The following MEGF6 variants were observed in gnomAD, a reference collection of about 807,000 sequenced individuals.
The protein encoded by MEGF6 is multiple epidermal growth factor-like domains protein 6.
MEGF6 carries 184 observed loss-of-function variants against 207.1 expected under a neutral mutation model. The ratio of observed to expected loss-of-function variants is 0.89; its 90% CI spans 0.79 to 1.00. The LOEUF (loss-of-function observed/expected upper bound fraction) is 1.00, where lower values mean the gene tolerates loss of function less well. Ranked by LOEUF, MEGF6 falls within the 50% of genes least tolerant of loss-of-function variation. The probability of loss-of-function intolerance (pLI) is 0.00; values close to 1 mark genes in which losing one functional copy is unlikely to be tolerated. For missense variants in MEGF6, 2,282 were observed against 2,202.9 expected (o/e 1.04, Z -0.72); for synonymous variants, 1,038 against 910.0 (o/e 1.14, Z -2.53).
chr1:3,578,892 C>CTGGTCCCCAG (rs1416158802), intron 4 of MEGF6, among the ~76,000 whole-genome samples: 2 of 150,804 alleles, frequency 1.3e-5, no homozygotes, highest in East Asian at 1.9e-4. Flanking sequence ...CCTCCTCAGC[C>CTGGTCCCCAG]CGGCCCCCAG....
rs114348293 is a variant in MEGF6 at position 3,575,964 on chromosome 1, G to A, written c.481+3861C>T. ...CCGGGCCTCACCTACGTGGACTCAC[G>A]CAACCTGCACAAAACATCGCCAAAT... is the stretch of plus-strand genomic sequence containing the variant. On this transcript the variant is annotated intron_variant, in intron 4 of 36. Transcript: ENST00000356575. 5.5e-3 allele frequency among the ~76,000 whole-genome samples: 824 copies of A among 150,976 alleles called. 5 individuals carry two copies. The highest frequency in any genetic ancestry group is 8.3e-3 in the Non-Finnish European group (559 of 67,604).
chr1:3,498,714 G>A lies in MEGF6; in HGVS notation c.3207C>T (p.Gly1069=). Residue 1069 remains glycine, a synonymous_variant, in exon 25 of 37, where the codon GGC becomes GGT. Coordinates refer to ENST00000356575, the MANE Select transcript of MEGF6 (RefSeq NM_001409.4). ...AGCGCTCACCCTTCTCACAGGCCAG[G>A]CCGGCCCAGCCCTCTGGGCACGCAC... ...GHCACPEGWA[G]LACEKECLPR... is the part of the protein sequence containing the mutation. 6.4e-7 allele frequency: 1 copy of A among 1,568,180 alleles called. No individual in the cohort carries two copies. The highest frequency in any genetic ancestry group is 1.2e-5 in the South Asian group (1 of 86,092).
rs967522877 is a variant in MEGF6 at position 3,499,183 on chromosome 1, GC to G, written c.3048del (p.Gln1017SerfsTer257). On this transcript the variant is annotated frameshift_variant, in exon 24 of 37. Coordinates refer to ENST00000356575, the MANE Select transcript of MEGF6 (RefSeq NM_001409.4). LOFTEE classifies it high-confidence loss of function. Reference sequence around the variant, plus strand: ...ATCCAGCCAGGGGCACAGTGGCACTGCCCGTGGACAGGGTCACAGGAGGCCC... The same window carrying G: ...ATCCAGCCAGGGGCACAGTGGCACTGCCGTGGACAGGGTCACAGGAGGCCC... Reference protein sequence around the residue: ...FNGASCDPVHGQCHCAPGWMG... With the variant: ...FNGASCDPVHXQCHCAPGWMG... 6.2e-7 allele frequency: 1 copy of G among 1,604,026 alleles called. No individual in the cohort carries two copies. Among genetic ancestry groups the G allele is most frequent in the Admixed American group, 1.7e-5 (1 of 58,840 alleles).
chr1:3,564,226 G>A lies in MEGF6; in HGVS notation c.481+15599C>T, dbSNP rs74048624. ...CGGGGGTGCAGAAGGGCTGAGTCGG[G>A]GTGGGGGAGCTGAGTCAGGGGTGCA... On this transcript the variant is annotated intron_variant, in intron 4 of 36. Coordinates refer to ENST00000356575, the MANE Select transcript of MEGF6 (RefSeq NM_001409.4). 1.0e-2 allele frequency among the ~76,000 whole-genome samples: 1,501 copies of A among 150,804 alleles called. 41 individuals are homozygous for A. The highest frequency in any genetic ancestry group is 0.036 in the African/African-American group (1,445 of 40,478).
At chr1:3,549,041 G>A (rs999457716) in intron 4 of MEGF6, among the ~76,000 whole-genome samples, 1 of 152,090 alleles carries the variant, frequency 6.6e-6, no homozygotes, top group Non-Finnish European at 1.5e-5. Flanking sequence ...CTGGGACCCC[G>A]CCTTGGGTAC....
At chr1:3,601,776 C>T (rs934123324) in intron 2 of MEGF6, among the ~76,000 whole-genome samples, 1 of 152,258 alleles carries the variant, frequency 6.6e-6, no homozygotes, top group African/African-American at 2.4e-5. Context: ...GCCAGAGCCC[C>T]CTGGAGCAGG....
chr1:3,587,163 A>G (rs1024372556), intron 3 of MEGF6, among the ~76,000 whole-genome samples: 1 of 152,250 alleles, frequency 6.6e-6, no homozygotes, highest in African/African-American at 2.4e-5. Flanking sequence ...CAAATTTTAA[A>G]AATAAAGATT....
chr1:3,571,532 C>A (rs1433426226), intron 4 of MEGF6, among the ~76,000 whole-genome samples: 1 of 151,958 alleles, frequency 6.6e-6, no homozygotes, highest in Non-Finnish European at 1.5e-5. Flanking sequence ...GGTGTCCCCC[C>A]AGACACACTG....
chr1:3,494,949 G>A (rs1015373315), intron 30 of MEGF6, among the ~76,000 whole-genome samples: 3 of 152,234 alleles, frequency 2.0e-5, no homozygotes, highest in African/African-American at 7.2e-5. Flanking sequence ...CAAGTGCCAG[G>A]CCTGGTCTAG....
chr1:3,490,247 G>A lies in MEGF6; in HGVS notation c.*281C>T. On this transcript the variant is annotated 3_prime_UTR_variant, in exon 37 of 37. Coordinates refer to ENST00000356575, the MANE Select transcript of MEGF6 (RefSeq NM_001409.4). ...AGTCCAACTCAGAGCCGCGGGGAGA[G>A]CGGGACTTCCTCAGCCCAGGCCCAG... The A allele has an allele frequency of 3.9e-6, 2 of 506,832 alleles. No individual in the cohort carries two copies. Among genetic ancestry groups the A allele is most frequent in the South Asian group, 5.3e-5 (2 of 38,002 alleles). The allele number at this position is 506,832 out of a possible 1,614,324, so 31.4% of individuals were successfully genotyped here.
Position 3,524,241 on chromosome 1 carries a change from C to A in MEGF6, c.487G>T (p.Asp163Tyr). 1 of 1,611,628 alleles carries A rather than the reference C, an allele frequency of 6.2e-7. No individual in the cohort carries two copies. The highest frequency in any genetic ancestry group is 1.1e-5 in the South Asian group (1 of 91,026). Residue 163 changes from aspartate to tyrosine, a missense_variant, in exon 5 of 37, where the codon GAC becomes TAC. By Grantham distance (160) the Asp-to-Tyr change is radical. Coordinates refer to ENST00000356575, the MANE Select transcript of MEGF6 (RefSeq NM_001409.4). ...FQGPRCQYDVDECRTHNGGCQ... is the reference protein window; with the variant it reads ...FQGPRCQYDVYECRTHNGGCQ... ...CCACCGTTGTGGGTTCGGCATTCGTCCACATCTGAGCAGGAATGGGGAAGG... is the reference window on the plus strand; with the variant it reads ...CCACCGTTGTGGGTTCGGCATTCGTACACATCTGAGCAGGAATGGGGAAGG...
In MEGF6 at chr1:3,510,826, G is replaced by A; in HGVS notation, c.1191C>T (p.Cys397=). Residue 397 remains cysteine (C), a synonymous_variant, in exon 10 of 37, where the codon TGC becomes TGT. Coordinates refer to ENST00000356575, the MANE Select transcript of MEGF6 (RefSeq NM_001409.4). ...TNNPGGYECG[C]YAGYRLSADG... ...CGGCACTGAGCCGGTAGCCGGCGTAGCAGCCGCACTCGTACCCGCCAGGGT... is the reference window on the plus strand; with the variant it reads ...CGGCACTGAGCCGGTAGCCGGCGTAACAGCCGCACTCGTACCCGCCAGGGT... 1 of 1,610,516 alleles carries A rather than the reference G, an allele frequency of 6.2e-7. No homozygotes were observed. Among genetic ancestry groups the A allele is most frequent in the Non-Finnish European group, 8.5e-7 (1 of 1,178,168 alleles).
In MEGF6 at chr1:3,499,263, C is replaced by G. The variant is rs1219718640; in HGVS notation, c.2969G>C (p.Cys990Ser). 6.2e-7 allele frequency: 1 copy of G among 1,603,326 alleles called. No homozygotes were observed. The highest frequency in any genetic ancestry group is 1.7e-5 in the Admixed American group (1 of 59,046). Residue 990 changes from cysteine (C) to serine (S), a missense_variant, in exon 24 of 37, where the codon TGC becomes TCC. By Grantham distance (112) the Cys-to-Ser change is moderately radical. Coordinates refer to ENST00000356575, the MANE Select transcript of MEGF6 (RefSeq NM_001409.4). ...ATTGTGCCCGTAGGTGTGGGCTGGG[C>G]AGGCTGCAGGTGGAGAGGGCTGGTC... ...GRRGPRCAET[C>S]PAHTYGHNCS...
chr1:3,503,918 G>A (rs112389875), intron 17 of MEGF6, among the ~76,000 whole-genome samples: 1 of 152,180 alleles, frequency 6.6e-6, no homozygotes, highest in Admixed American at 6.5e-5. Context: ...GCCAGTCCAG[G>A]TCAGGAGTCT....
At position 3,501,081 on chromosome 1, in the gene MEGF6, G is replaced by T. The variant is rs149336788; in HGVS notation, c.2460C>A (p.Gly820=). 2.6e-4 allele frequency: 415 copies of T among 1,612,742 alleles called. 5 individuals are homozygous for T. The East Asian group carries it at 8.7e-3, about 34-fold the overall frequency. The change falls in exon 20 of 37, where the codon GGC becomes GGA. Residue 820 remains glycine, a synonymous_variant. Transcript: ENST00000356575. The part of the protein sequence containing the change: ...GSRCQDVCPA[G]WYGPSCQTRC... ...TTGTCTGGCAGCTGGGACCATACCA[G>T]CCTGCTGGGCACACTACAGGCAGGC...
intron 4 of MEGF6, among the ~76,000 whole-genome samples, chr1:3,578,610 C>G (rs577810986): frequency 6.6e-6 from 1 of 152,356 alleles, no homozygotes; most frequent in African/African-American, 2.4e-5. Context: ...GCCCTCCCAG[C>G]CACCCAGCAT....
chr1:3,591,939 G>C (rs1268648896), intron 3 of MEGF6, among the ~76,000 whole-genome samples: 1 of 152,128 alleles, frequency 6.6e-6, no homozygotes, highest in Non-Finnish European at 1.5e-5. Context: ...GGAGGGAACT[G>C]AGCCCAGTAC....
rs1371748430 is a variant in MEGF6, at chr1:3,510,067, T to C, written c.1235-75A>G. On this transcript the variant is annotated intron_variant, in intron 10 of 36. Coordinates refer to ENST00000356575, the MANE Select transcript of MEGF6 (RefSeq NM_001409.4). ...AGGAAGGCCCCTGCCCACCCAGTCC[T>C]ACCCACAGGACTGAAGCCCTGGTGG... 4.6e-6 allele frequency: 7 copies of C among 1,523,054 alleles called. No individual in the cohort carries two copies. The Admixed American group carries it at 1.3e-4, about 28-fold the overall frequency. The allele number at this position is 1,523,054 out of a possible 1,614,324, so 94.3% of individuals were successfully genotyped here. A position where few individuals can be genotyped will look rare whatever the true frequency, so the allele number is the denominator to read the frequency against.
intron 35 of MEGF6, among the ~76,000 whole-genome samples, 181 bp from the exon 36 acceptor site, chr1:3,491,140 C>G (rs1340039330): frequency 6.7e-6 from 1 of 150,050 alleles, no homozygotes; most frequent in Non-Finnish European, 1.5e-5. Flanking sequence ...GGGGGGGGGG[C>G]TCTCCCTCTC....
Sources: gnomAD v4.1 joint callset for allele counts (sites outside exome capture counted in the v4.1 genomes callset) on GRCh38, gnomAD v4.1.1 for gene constraint, MANE v1.5 for transcripts, NCBI Gene and HGNC (gene_info 2026-07-23, HGNC 2026-07-21) for gene names.